Variants in FAM107B observed in about 807,000 individuals in gnomAD.
The protein encoded by FAM107B is family with sequence similarity 107 member B, also known as protein FAM107B.
Under a neutral mutation model 31.5 loss-of-function variants are expected in FAM107B, and 21 were observed. The ratio of observed to expected loss-of-function variants is 0.67; its 90% CI spans 0.47 to 0.96. The LOEUF is 0.96. Among genes scored for constraint, FAM107B ranks in the 40% least tolerant of loss-of-function variants. The pLI, the probability that FAM107B is intolerant of heterozygous loss-of-function variation, is 0.00. For missense variants in FAM107B, 452 were observed against 377.1 expected (o/e 1.20, Z -1.64); for synonymous variants, 157 against 141.5 (o/e 1.11, Z -0.78).
intron 1 of FAM107B, among the ~76,000 whole-genome samples, chr10:14,678,061 C>T (rs1490563761): frequency 1.3e-5 from 2 of 152,136 alleles, no homozygotes; most frequent in East Asian, 3.8e-4. Context: ...ATGGAACTTG[C>T]CCAAGGCCAC....
intron 1 of FAM107B, among the ~76,000 whole-genome samples, chr10:14,722,988 G>A (rs1190255430): frequency 6.6e-6 from 1 of 152,042 alleles, no homozygotes; most frequent in African/African-American, 2.4e-5. Flanking sequence ...GGTTAATTTT[G>A]GTATACAGTG....
chr10:14,542,382 C>T (rs1263127124), intron 2 of FAM107B, among the ~76,000 whole-genome samples: 2 of 152,050 alleles, frequency 1.3e-5, no homozygotes, highest in Non-Finnish European at 2.9e-5. Context: ...CTCAGTGTTT[C>T]CCCTTTACAC....
chr10:14,520,928 T>C lies in FAM107B; in HGVS notation c.*262A>G, dbSNP rs1845566520. 5.4e-6 allele frequency: 2 copies of C among 367,246 alleles called. No homozygotes were observed. Among genetic ancestry groups the C allele is most frequent in the Non-Finnish European group, 9.7e-6 (2 of 206,930 alleles). 22.7% of individuals were successfully genotyped at this position (367,246 alleles called of 1,614,324 possible). On this transcript the variant is annotated 3_prime_UTR_variant, in exon 5 of 5. Coordinates refer to ENST00000181796, the MANE Select transcript of FAM107B (RefSeq NM_031453.4). Reference sequence around the variant, plus strand: ...TTTTTCCTGTTCTCACTTGTTTTGCTTGTTGGTTCTGTTAAGTCTCTGAAC... The same window carrying C: ...TTTTTCCTGTTCTCACTTGTTTTGCCTGTTGGTTCTGTTAAGTCTCTGAAC...
At position 14,570,233 on chromosome 10, in the gene FAM107B, G is replaced by GGTGGGTGGGTGTGTGTGTGT. The variant is rs768204428; in HGVS notation, c.470-39719_470-39718insACACACACACACCCACCCAC. 5.0e-5 allele frequency among the ~76,000 whole-genome samples: 7 copies of GGTGGGTGGGTGTGTGTGTGT among 140,340 alleles called. No homozygotes were observed. In the East Asian group the frequency reaches 6.0e-4, roughly 12 times the overall value. 92.1% of individuals were successfully genotyped at this position (140,340 alleles called of 152,430 possible). ...ACGTACCTACCAAAAAAATGTGGTG[G>GGTGGGTGGGTGTGTGTGTGT]GTGTGTGTGTGTGTGTGTGTGTGTG... On this transcript the variant is annotated intron_variant, in intron 2 of 4. Transcript: ENST00000181796.
At chr10:14,572,739 T>TTTATATATATATATATATATA (rs1325278545) in intron 2 of FAM107B, among the ~76,000 whole-genome samples, 12 of 91,976 alleles carry the variant, frequency 1.3e-4, no homozygotes, top group Non-Finnish European at 2.0e-4. Context: ...AAAAAAAAAT[T>TTTATATATATATATATATATA]TATATATATA....
At chr10:14,650,948 C>T (rs1345180810) in intron 2 of FAM107B, among the ~76,000 whole-genome samples, 2 of 152,188 alleles carry the variant, frequency 1.3e-5, no homozygotes, top group African/African-American at 2.4e-5. Flanking sequence ...AAACTTCTAG[C>T]GTCTGAGCTA....
intron 2 of FAM107B, among the ~76,000 whole-genome samples, chr10:14,620,943 G>C (rs1852996019): frequency 6.6e-6 from 1 of 152,088 alleles, no homozygotes; most frequent in Non-Finnish European, 1.5e-5. Flanking sequence ...TCTTGGTTTT[G>C]ATGTTATTGT....
intron 2 of FAM107B, chr10:14,604,334 G>C (rs1852516589): frequency 1.2e-6 from 1 of 861,232 alleles, no homozygotes; most frequent in Admixed American, 6.4e-5. Context: ...GGCGGCCCGA[G>C]GCGGCGCGAG....
chr10:14,719,404 TTTAATGA>T (rs1855859312), intron 1 of FAM107B, among the ~76,000 whole-genome samples: 1 of 152,226 alleles, frequency 6.6e-6, no homozygotes, highest in African/African-American at 2.4e-5. Flanking sequence ...ATACTTTGCC[TTTAATGA>T]TTTTTTTCAT....
chr10:14,559,447 T>C (rs1850035236), intron 2 of FAM107B, among the ~76,000 whole-genome samples: 1 of 151,060 alleles, frequency 6.6e-6, no homozygotes, highest in South Asian at 2.1e-4. Flanking sequence ...CCAGGGAGAT[T>C]TAAATCCCCC....
chr10:14,564,361 A>G (rs1850488756), intron 2 of FAM107B, among the ~76,000 whole-genome samples: 1 of 152,294 alleles, frequency 6.6e-6, no homozygotes, highest in Admixed American at 6.5e-5. Context: ...TCTCTGAATA[A>G]TTAGGCCCCC....
chr10:14,525,795 G>A (rs1211589320), intron 3 of FAM107B, among the ~76,000 whole-genome samples: 1 of 152,176 alleles, frequency 6.6e-6, no homozygotes, highest in East Asian at 1.9e-4. Context: ...TCATAGAAGC[G>A]GAGTTGCTGG....
chr10:14,752,729 C>G (rs554201470), intron 1 of FAM107B, among the ~76,000 whole-genome samples: 1 of 152,244 alleles, frequency 6.6e-6, no homozygotes, highest in African/African-American at 2.4e-5. Context: ...CACAGGAGTT[C>G]AAGACCAGCC....
intron 1 of FAM107B, chr10:14,723,238 G>A (rs1855954391): frequency 1.9e-6 from 1 of 530,964 alleles, no homozygotes; most frequent in Non-Finnish European, 3.7e-6. Context: ...TCAGTCTTCT[G>A]TGGTGGGGCC....
chr10:14,695,762 T>G (rs1855250605), intron 1 of FAM107B, among the ~76,000 whole-genome samples: 1 of 152,236 alleles, frequency 6.6e-6, no homozygotes, highest in Non-Finnish European at 1.5e-5. Context: ...GATTGTTTTC[T>G]TAATTTATTT....
At chr10:14,763,974 TCA>T (rs1290825759) in intron 1 of FAM107B, among the ~76,000 whole-genome samples, 1 of 152,230 alleles carries the variant, frequency 6.6e-6, no homozygotes, top group Non-Finnish European at 1.5e-5. Flanking sequence ...GTACCACTAT[TCA>T]CAGTCAGGAG....
intron 1 of FAM107B, among the ~76,000 whole-genome samples, chr10:14,733,177 A>G (rs967051807): frequency 6.6e-6 from 1 of 151,864 alleles, no homozygotes; most frequent in Non-Finnish European, 1.5e-5. Context: ...AATTGCATAC[A>G]GCATTTGAAC....
At chr10:14,545,109 T>C (rs1051317044) in intron 2 of FAM107B, among the ~76,000 whole-genome samples, 6 of 152,186 alleles carry the variant, frequency 3.9e-5, no homozygotes, top group African/African-American at 1.4e-4. Flanking sequence ...ACATTAAATT[T>C]ATTCCATCAT....
chr10:14,702,338 A>T (rs1218377112), intron 1 of FAM107B, among the ~76,000 whole-genome samples: 1 of 152,168 alleles, frequency 6.6e-6, no homozygotes. Context: ...ATATTCATGT[A>T]TCATTATTTA....
Sources: allele counts gnomAD v4.1 joint callset (sites outside exome capture counted in the v4.1 genomes callset), GRCh38; gene constraint gnomAD v4.1.1; transcripts MANE v1.5; gene names NCBI Gene and HGNC (gene_info 2026-07-23, HGNC 2026-07-21).